PTGES3: variants seen among roughly 807,000 people sequenced by gnomAD.
PTGES3 encodes the protein Hsp90 co-chaperone.
A neutral mutation model predicts 29.9 loss-of-function variants in PTGES3; 5 were observed. That is an observed-to-expected ratio of 0.17 (90% CI 0.09 to 0.35). The LOEUF (loss-of-function observed/expected upper bound fraction) is 0.35, where lower values mean the gene tolerates loss of function less well. Among genes scored for constraint, PTGES3 ranks in the 10% least tolerant of loss-of-function variants. PTGES3 has a pLI of 1.00. For missense variants in PTGES3, 128 were observed against 190.0 expected, an observed-to-expected ratio of 0.67 and a Z score of 1.92; for synonymous variants, 49 against 57.8, an observed-to-expected ratio of 0.85 and a Z score of 0.69.
intron 1 of PTGES3, among the ~76,000 whole-genome samples, chr12:56,676,282 G>A (rs1388143943): frequency 6.7e-6 from 1 of 148,942 alleles, no homozygotes; most frequent in African/African-American, 2.5e-5. Context: ...ATTTCTGACA[G>A]AAGGCTTATT....
rs1951684964 is a variant in PTGES3, at chr12:56,663,605, C to T, written c.*874G>A. Reference sequence around the variant, plus strand: ...CTTAAAAGGACAGCCAAGAAGTCTTCCAACAGTTTATTAGAAAGAATGTAG... The same window carrying T: ...CTTAAAAGGACAGCCAAGAAGTCTTTCAACAGTTTATTAGAAAGAATGTAG... On this transcript the variant is annotated 3_prime_UTR_variant, in exon 8 of 8. Transcript: ENST00000262033. The T allele has an allele frequency of 6.6e-6, 1 of 152,518 alleles. No individual in the cohort carries two copies. Among genetic ancestry groups the T allele is most frequent in the Admixed American group, 6.6e-5 (1 of 15,252 alleles). 9.4% of individuals were successfully genotyped at this position (152,518 alleles called of 1,614,324 possible). A position where few individuals can be genotyped will look rare whatever the true frequency, so the allele number is the denominator to read the frequency against.
intron 7 of PTGES3, 123 bp downstream of exon 7, chr12:56,664,653 G>T: frequency 7.2e-7 from 1 of 1,388,004 alleles, no homozygotes; most frequent in Non-Finnish European, 9.9e-7. Context: ...TTCTGCTTTG[G>T]TTATTTATTC....
intron 5 of PTGES3, among the ~76,000 whole-genome samples, chr12:56,669,167 G>A (rs1057493836): frequency 5.9e-5 from 9 of 151,416 alleles, no homozygotes; most frequent in Admixed American, 1.3e-4. Flanking sequence ...GCACTACCAC[G>A]CCTAGCTATT....
In PTGES3 at chr12:56,664,865, C is replaced by T; in HGVS notation, c.439-65G>A. The T allele has an allele frequency of 3.2e-6, 5 of 1,572,040 alleles. No individual in the cohort carries two copies. The South Asian group carries it at 4.7e-5, about 15-fold the overall frequency. On this transcript the variant is annotated intron_variant, in intron 6 of 7. Coordinates refer to ENST00000262033, the MANE Select transcript of PTGES3 (RefSeq NM_006601.7). ...TTCGTTTGCTAACTGAACAGTTTAC[C>T]TAAAAAAGTTCAAGTGCTATATTTT...
intron 1 of PTGES3, among the ~76,000 whole-genome samples, chr12:56,674,681 C>G (rs1253068869): frequency 6.6e-6 from 1 of 151,438 alleles, no homozygotes; most frequent in Non-Finnish European, 1.5e-5. Context: ...AAAAAATTAG[C>G]CAGGCATGGT....
chr12:56,664,747 G>A (rs771657124), intron 7 of PTGES3, 29 bp downstream of exon 7: 6 of 1,581,342 alleles, frequency 3.8e-6, no homozygotes, highest in Non-Finnish European at 5.2e-6. Context: ...AAGTATCACT[G>A]TATAAACATA....
chr12:56,684,456 TG>T (rs1190012045), intron 1 of PTGES3, among the ~76,000 whole-genome samples: 1 of 152,208 alleles, frequency 6.6e-6, no homozygotes, highest in Non-Finnish European at 1.5e-5. Flanking sequence ...ATATAGCATA[TG>T]TTCACTACGA....
chr12:56,685,770 CTTTTTTTT>C (rs9325161), intron 1 of PTGES3, among the ~76,000 whole-genome samples: 27 of 71,900 alleles, frequency 3.8e-4, no homozygotes, highest in East Asian at 3.0e-3. Flanking sequence ...GCTACACTTA[CTTTTTTTT>C]TTTTTTTTTT....
rs765488908 is a variant in PTGES3 at position 56,664,488 on chromosome 12, A to G, written c.474T>C (p.Asp158=). The change falls in exon 8 of 8, where the codon GAT becomes GAC. Residue 158 remains aspartate, a synonymous_variant. Transcript: ENST00000262033. The part of the protein sequence containing the change: ...SQDSDDEKMP[D]LE The stretch of plus-strand genomic sequence containing the variant: ...GTGATGACAATATTCCTTACTCCAG[A>G]TCTGGCATTTCTGAAAGAATTTTTA... 1 of 1,602,968 alleles carries G rather than the reference A, an allele frequency of 6.2e-7. No homozygotes were observed. The highest frequency in any genetic ancestry group is 1.7e-5 in the Admixed American group (1 of 58,894).
Position 56,670,382 on chromosome 12 carries a change from T to C in PTGES3, c.286-18A>G, listed in dbSNP as rs1951957018. 3.9e-6 allele frequency: 6 copies of C among 1,553,434 alleles called. No homozygotes were observed. Among genetic ancestry groups the C allele is most frequent in the Non-Finnish European group, 5.3e-6 (6 of 1,124,560 alleles). On this transcript the variant is annotated intron_variant, in intron 4 of 7. Coordinates refer to ENST00000262033, the MANE Select transcript of PTGES3 (RefSeq NM_006601.7). Reference sequence around the variant, plus strand: ...CAATTAAGCTATAAATCAATACAAATATCACCCTAAGATTAGGCTAATTTG... The same window carrying C: ...CAATTAAGCTATAAATCAATACAAACATCACCCTAAGATTAGGCTAATTTG...
intron 1 of PTGES3, among the ~76,000 whole-genome samples, chr12:56,682,346 C>T (rs1039627931): frequency 6.6e-6 from 1 of 152,032 alleles, no homozygotes; most frequent in African/African-American, 2.4e-5. Context: ...ACTGCTTGAG[C>T]CCAAGAGTTT....
At chr12:56,672,830 A>G in intron 2 of PTGES3, 21 bp from the exon 3 acceptor site, 1 of 1,566,646 alleles carries the variant, frequency 6.4e-7, no homozygotes, top group Non-Finnish European at 8.6e-7. Flanking sequence ...TAATAAAGAA[A>G]GAATTAAGCC....
At chr12:56,671,016 G>A (rs1203084661) in intron 4 of PTGES3, among the ~76,000 whole-genome samples, 1 of 152,108 alleles carries the variant, frequency 6.6e-6, no homozygotes, top group East Asian at 1.9e-4. Context: ...AGGTGAGGTG[G>A]GTGGGAGGAT....
chr12:56,678,833 T>C (rs1484277106), intron 1 of PTGES3, among the ~76,000 whole-genome samples: 1 of 152,176 alleles, frequency 6.6e-6, no homozygotes, highest in Non-Finnish European at 1.5e-5. Context: ...CAGCATGGAA[T>C]AGGCTGGGCA....
chr12:56,681,537 C>CAAAAAAAA (rs34581651), intron 1 of PTGES3, among the ~76,000 whole-genome samples: 4 of 25,686 alleles, frequency 1.6e-4, no homozygotes, highest in African/African-American at 4.4e-4. Context: ...GACTCCATCT[C>CAAAAAAAA]AAAAAAAAAA....
At chr12:56,679,187 A>T (rs1248143963) in intron 1 of PTGES3, among the ~76,000 whole-genome samples, 1 of 152,148 alleles carries the variant, frequency 6.6e-6, no homozygotes, top group African/African-American at 2.4e-5. Flanking sequence ...AGGCTGGCAG[A>T]TTACTGGAGG....
chr12:56,673,523 G>C (rs1038473335), intron 1 of PTGES3, among the ~76,000 whole-genome samples: 2 of 148,108 alleles, frequency 1.4e-5, no homozygotes, highest in African/African-American at 5.0e-5. Context: ...GCAGGGTACG[G>C]TGGCTCACGC....
At chr12:56,669,007 A>ATTTT (rs577249197) in intron 5 of PTGES3, among the ~76,000 whole-genome samples, 5,301 of 96,886 alleles carry the variant, frequency 0.055, 561 homozygotes, top group African/African-American at 0.16. Flanking sequence ...TTCACCATGA[A>ATTTT]TTTTTTTTTT....
At chr12:56,666,502 G>C (rs911655927) in intron 5 of PTGES3, among the ~76,000 whole-genome samples, 2 of 152,294 alleles carry the variant, frequency 1.3e-5, no homozygotes, top group Non-Finnish European at 2.9e-5. Context: ...AGCTATTCAT[G>C]CAACAGGTTT....
Sources: allele counts gnomAD v4.1 joint callset (sites outside exome capture counted in the v4.1 genomes callset), GRCh38; gene constraint gnomAD v4.1.1; transcripts MANE v1.5; gene names NCBI Gene and HGNC (gene_info 2026-07-23, HGNC 2026-07-21).